The following WDFY3 variants were observed in gnomAD, a reference collection of about 807,000 sequenced individuals.
The protein encoded by WDFY3 is WD repeat and FYVE domain containing 3, also known as WD repeat and FYVE domain-containing protein 3.
A neutral mutation model predicts 409.6 loss-of-function variants in WDFY3; 66 were observed. The observed-to-expected ratio is 0.16, with a 90% confidence interval of 0.13 to 0.20. The LOEUF (loss-of-function observed/expected upper bound fraction) is 0.20, where lower values mean the gene tolerates loss of function less well. WDFY3 is among the 10% of genes least tolerant of loss of function. WDFY3 has a pLI of 1.00. For missense variants in WDFY3, 3,031 were observed against 4,298.1 expected (o/e 0.71, Z 8.24); for synonymous variants, 1,521 against 1,537.1 (o/e 0.99, Z 0.25).
chr4:84,716,973 T>C lies in WDFY3; in HGVS notation c.7798A>G (p.Ser2600Gly), dbSNP rs747011830. ...IIPRGARQGP[S>G]QLKRTCSIFA... ...ATGCTGCATGTTCTCTTGAGTTGAC[T>C]AGGGCCTTGCCTGGCTCCTCTAGGA... Residue 2600 changes from serine to glycine, a missense_variant, in exon 49 of 68, where the codon AGT becomes GGT. Physicochemically the swap from Ser to Gly is moderately conservative, Grantham distance 56. Around this residue, in one of 16 missense-constraint regions of WDFY3, gnomAD observed 40 missense variants for 54.2 expected, o/e 0.74. Transcript: ENST00000295888. 2 of 1,609,584 alleles carry C rather than the reference T, an allele frequency of 1.2e-6. No individual in the cohort carries two copies. The highest frequency in any genetic ancestry group is 3.4e-5 in the Admixed American group (2 of 59,460).
rs1741699772 is a variant in WDFY3, at chr4:84,757,719, C to T, written c.5189-558G>A. The stretch of plus-strand genomic sequence containing the variant: ...TCAGCCTCCTGAGTAGCTGGGACTA[C>T]AGACATGAGCTACCACCCCCAGCTA... On this transcript the variant is annotated intron_variant, in intron 32 of 67. Transcript: ENST00000295888. Among the ~76,000 whole-genome samples, 6 of 152,260 alleles carry T rather than the reference C, an allele frequency of 3.9e-5. No individual in the cohort carries two copies. In the South Asian group the frequency reaches 1.2e-3, roughly 32 times the overall value.
At chr4:84,850,052 T>A in intron 4 of WDFY3, 27 bp from the exon 5 acceptor site, 1 of 1,546,940 alleles carries the variant, frequency 6.5e-7, no homozygotes, top group Non-Finnish European at 8.7e-7. Flanking sequence ...ACATTGTTAA[T>A]GAAGCACTGA....
intron 7 of WDFY3, among the ~76,000 whole-genome samples, chr4:84,832,931 T>C (rs1224474188): frequency 6.6e-6 from 1 of 152,066 alleles, no homozygotes; most frequent in East Asian, 1.9e-4. Context: ...GAAGTAAAAA[T>C]AGATCTTTAA....
intron 36 of WDFY3, among the ~76,000 whole-genome samples, chr4:84,744,115 T>C (rs1738927539): frequency 6.8e-6 from 1 of 147,984 alleles, no homozygotes; most frequent in East Asian, 1.9e-4. Context: ...ATATATAATA[T>C]ATAAAACTAT....
chr4:84,804,814 G>C (rs938957096), intron 15 of WDFY3, among the ~76,000 whole-genome samples: 1 of 151,990 alleles, frequency 6.6e-6, no homozygotes, highest in Non-Finnish European at 1.5e-5. Context: ...GATTCTAATT[G>C]TCTTATTTTA....
In WDFY3 at chr4:84,684,026, T is replaced by C; in HGVS notation, c.9643A>G (p.Ile3215Val). ...ATCTCCGACATGCAGCAGCAGATGA[T>C]CTGCTGGCTCCTACCTGTGAACGTG... ...VNTFTGRSQQIICCCMSEMNE... is the reference protein window; with the variant it reads ...VNTFTGRSQQVICCCMSEMNE... Residue 3215 changes from isoleucine (I) to valine (V), a missense_variant, in exon 63 of 68, where the codon ATC becomes GTC. Coordinates refer to ENST00000295888, the MANE Select transcript of WDFY3 (RefSeq NM_014991.6). 6.2e-7 allele frequency: 1 copy of C among 1,613,842 alleles called. No individual in the cohort carries two copies. Among genetic ancestry groups the C allele is most frequent in the Non-Finnish European group, 8.5e-7 (1 of 1,179,748 alleles).
intron 36 of WDFY3, 168 bp downstream of exon 36, chr4:84,751,315 G>C: frequency 1.5e-6 from 1 of 663,656 alleles, no homozygotes; most frequent in Non-Finnish European, 2.6e-6. Context: ...CAAACTGATA[G>C]GGTTTAAAGC....
chr4:84,769,832 T>C (rs1347402160), intron 30 of WDFY3, among the ~76,000 whole-genome samples: 1 of 152,172 alleles, frequency 6.6e-6, no homozygotes, highest in African/African-American at 2.4e-5. Flanking sequence ...ATAATTAGCA[T>C]GTCCATCACC....
Position 84,785,968 on chromosome 4 carries a change from A to G in WDFY3, c.4062+11T>C. ...ATCAGCCATAGTACACCAAGAAATCATTCTGCTTACCTGCTTAGCAATGGC... is the reference window on the plus strand; with the variant it reads ...ATCAGCCATAGTACACCAAGAAATCGTTCTGCTTACCTGCTTAGCAATGGC... On this transcript the variant is annotated intron_variant, in intron 24 of 67. Coordinates refer to ENST00000295888, the MANE Select transcript of WDFY3 (RefSeq NM_014991.6). The G allele has an allele frequency of 1.9e-6, 3 of 1,613,364 alleles. No individual in the cohort carries two copies. Among genetic ancestry groups the G allele is most frequent in the Non-Finnish European group, 2.5e-6 (3 of 1,179,722 alleles).
intron 5 of WDFY3, among the ~76,000 whole-genome samples, chr4:84,844,060 T>C (rs1229790954): frequency 6.6e-6 from 1 of 152,066 alleles, no homozygotes; most frequent in African/African-American, 2.4e-5. Flanking sequence ...AACCCAGAAA[T>C]GAAGTTAATA....
rs78590124 is a variant in WDFY3 at position 84,718,984 on chromosome 4, A to C, written c.7606-414T>G. 8.4e-3 allele frequency among the ~76,000 whole-genome samples: 1,276 copies of C among 152,306 alleles called. 23 individuals are homozygous for C. Among genetic ancestry groups the C allele is most frequent in the African/African-American group, 0.029 (1,205 of 41,562 alleles). On this transcript the variant is annotated intron_variant, in intron 47 of 67. Transcript: ENST00000295888. ...TGAGGCAAGATGATACAGAGTGAAAATTGCAGGGCCTGCTAACTCAGGGTA... is the reference window on the plus strand; with the variant it reads ...TGAGGCAAGATGATACAGAGTGAAACTTGCAGGGCCTGCTAACTCAGGGTA...
At chr4:84,964,463 T>C (rs548367286) in intron 1 of WDFY3, among the ~76,000 whole-genome samples, 6 of 152,308 alleles carry the variant, frequency 3.9e-5, no homozygotes, top group East Asian at 1.9e-4. Context: ...GGCAAGACCC[T>C]GTCTCTAAAA....
At chr4:84,892,239 T>C (rs1579012366) in intron 3 of WDFY3, among the ~76,000 whole-genome samples, 3 of 151,898 alleles carry the variant, frequency 2.0e-5, no homozygotes, top group Admixed American at 6.6e-5. Context: ...ATTACATATA[T>C]ATATATTTTT....
intron 40 of WDFY3, 38 bp downstream of exon 40, chr4:84,738,972 A>C (rs758365241): frequency 4.4e-6 from 7 of 1,606,284 alleles, no homozygotes; most frequent in African/African-American, 2.7e-5. Context: ...GAGATAAAAC[A>C]ACCACAATTT....
chr4:84,775,265 A>G (rs1745357467), intron 27 of WDFY3, 127 bp from the exon 28 acceptor site: 2 of 820,438 alleles, frequency 2.4e-6, no homozygotes, highest in Admixed American at 3.2e-5. Context: ...AAAGTTCTAT[A>G]AAACCACTTA....
chr4:84,761,226 C>CTT (rs1742532153), intron 32 of WDFY3, among the ~76,000 whole-genome samples: 1 of 152,030 alleles, frequency 6.6e-6, no homozygotes, highest in Admixed American at 6.6e-5. Flanking sequence ...TTACTTCCAA[C>CTT]TATGTGGTCA....
At chr4:84,705,957 C>A (rs964533259) in intron 53 of WDFY3, among the ~76,000 whole-genome samples, 1 of 139,654 alleles carries the variant, frequency 7.2e-6, no homozygotes, top group South Asian at 2.6e-4. Flanking sequence ...CTCCCTCCAA[C>A]GTTACTTCTG....
chr4:84,792,389 G>A (rs987534158), intron 21 of WDFY3, among the ~76,000 whole-genome samples: 1 of 152,200 alleles, frequency 6.6e-6, no homozygotes, highest in Non-Finnish European at 1.5e-5. Context: ...CAAGGAACTT[G>A]TCCCTCTTCC....
intron 1 of WDFY3, among the ~76,000 whole-genome samples, chr4:84,962,478 G>T (rs1390488584): frequency 6.6e-6 from 1 of 152,104 alleles, no homozygotes; most frequent in African/African-American, 2.4e-5. Context: ...GTTTTCAGGG[G>T]CTGGGAGTGT....
Sources: gnomAD v4.1 joint callset for allele counts (sites outside exome capture counted in the v4.1 genomes callset) on GRCh38, gnomAD v4.1.1 for gene constraint, gnomAD v4.1.1 regional missense constraint, MANE v1.5 for transcripts, NCBI Gene and HGNC (gene_info 2026-07-23, HGNC 2026-07-21) for gene names.